The following PLA2R1 variants were observed in gnomAD, a reference collection of about 807,000 sequenced individuals.
PLA2R1 encodes secretory phospholipase A2 receptor.
PLA2R1 carries 158 observed loss-of-function variants against 195.9 expected under a neutral mutation model. The ratio of observed to expected loss-of-function variants is 0.81; its 90% CI spans 0.71 to 0.92. The LOEUF (loss-of-function observed/expected upper bound fraction) is 0.92. PLA2R1 is among the 40% of genes least tolerant of loss of function. The pLI, the probability that PLA2R1 is intolerant of heterozygous loss-of-function variation, is 0.00. For synonymous variants in PLA2R1, 586 were observed against 598.2 expected (o/e 0.98, Z 0.30); for missense variants, 1,626 against 1,764.6 (o/e 0.92, Z 1.41).
intron 11 of PLA2R1, among the ~76,000 whole-genome samples, chr2:159,996,553 A>T (rs777479488): frequency 3.9e-5 from 6 of 152,082 alleles, no homozygotes; most frequent in Non-Finnish European, 7.4e-5. Flanking sequence ...TGGTGTTCTC[A>T]GAGTTTCCTG....
chr2:159,957,831 A>G (rs1287139726), intron 20 of PLA2R1, among the ~76,000 whole-genome samples: 1 of 152,232 alleles, frequency 6.6e-6, no homozygotes, highest in Non-Finnish European at 1.5e-5. Context: ...ATAATGGATC[A>G]GGCAAAATTC....
At chr2:159,946,642 G>C in intron 27 of PLA2R1, 159 bp downstream of exon 27, 8 of 1,386,508 alleles carry the variant, frequency 5.8e-6, no homozygotes, top group Non-Finnish European at 7.5e-6. Flanking sequence ...TAAAGAAAAG[G>C]GTTGCAATGT....
chr2:160,041,657 A>G (rs1558992435), intron 3 of PLA2R1, among the ~76,000 whole-genome samples: 1 of 152,208 alleles, frequency 6.6e-6, no homozygotes, highest in Non-Finnish European at 1.5e-5. Context: ...CTCATAAGAG[A>G]TAGTGGATTG....
Position 159,955,221 on chromosome 2 carries a change from C to T in PLA2R1, c.3279G>A (p.Gly1093=), listed in dbSNP as rs1472344018. 2.5e-6 allele frequency: 4 copies of T among 1,608,914 alleles called. No individual in the cohort carries two copies. Among genetic ancestry groups the T allele is most frequent in the Non-Finnish European group, 3.4e-6 (4 of 1,177,774 alleles). ...TACCTTGCATTTTTTCACAAACAAA[C>T]CCATAGCCTTCCTTTCCACAGTCTT... ...YFEDCGKEGY[G]FVCEKMQDTS... Residue 1093 remains glycine (G), a synonymous_variant, in exon 23 of 30, where the codon GGG becomes GGA. Coordinates refer to ENST00000283243, the MANE Select transcript of PLA2R1 (RefSeq NM_007366.5).
chr2:160,027,260 G>A (rs1177925792), intron 6 of PLA2R1, among the ~76,000 whole-genome samples: 1 of 152,110 alleles, frequency 6.6e-6, no homozygotes, highest in African/African-American at 2.4e-5. Flanking sequence ...AGGAAAGAAG[G>A]GTGGCAGGAG....
In PLA2R1 at chr2:159,935,771, TTAAAAA is replaced by T. The variant is rs1686789352; in HGVS notation, c.*6001_*6006del. ...CAATTTGAATTCTATCATAATCTAT[TTAAAAA>T]TAGAAATAACCTCTTCAGCAGTCAG... On this transcript the variant is annotated 3_prime_UTR_variant, in exon 30 of 30. Coordinates refer to ENST00000283243, the MANE Select transcript of PLA2R1 (RefSeq NM_007366.5). 1 of 152,074 alleles carries T rather than the reference TTAAAAA, an allele frequency of 6.6e-6. No homozygotes were observed. The highest frequency in any genetic ancestry group is 6.6e-5 in the Admixed American group (1 of 15,260). The allele number at this position is 152,074 out of a possible 1,614,324, so 9.4% of individuals were successfully genotyped here.
intron 10 of PLA2R1, among the ~76,000 whole-genome samples, chr2:160,006,770 G>A: frequency 6.6e-6 from 1 of 152,206 alleles, no homozygotes; most frequent in East Asian, 1.9e-4. Context: ...CCATTACCCA[G>A]GAAACCTAAG....
rs1205003993 is a variant in PLA2R1 at position 160,048,838 on chromosome 2, ATTTTTT to A, written c.110-3687_110-3682del. On this transcript the variant is annotated intron_variant, in intron 1 of 29. Transcript: ENST00000283243. ...AAAGGATTCATTTATTAGAAGAAAC[ATTTTTT>A]TTTTTTTTTTTTTTGAGACAGAGTC... Among the ~76,000 whole-genome samples, 3 of 127,838 alleles carry A rather than the reference ATTTTTT, an allele frequency of 2.3e-5. No homozygotes were observed. The Admixed American group carries it at 2.4e-4, about 10-fold the overall frequency. The allele number at this position is 127,838 out of a possible 152,430, so 83.9% of individuals were successfully genotyped here. A position where few individuals can be genotyped will look rare whatever the true frequency, so the allele number is the denominator to read the frequency against.
intron 1 of PLA2R1, among the ~76,000 whole-genome samples, chr2:160,052,809 T>C (rs781347196): frequency 3.9e-5 from 6 of 152,166 alleles, no homozygotes; most frequent in Non-Finnish European, 7.3e-5. Context: ...GGAAATGATA[T>C]GGCATTACTG....
chr2:159,980,047 A>G (rs1368314452), intron 13 of PLA2R1, 133 bp from the exon 14 acceptor site: 1 of 416,214 alleles, frequency 2.4e-6, no homozygotes, highest in Non-Finnish European at 4.3e-6. Context: ...TGTACCCTAA[A>G]ACTTAAAGTA....
intron 11 of PLA2R1, among the ~76,000 whole-genome samples, chr2:159,998,367 G>T (rs1558888815): frequency 6.6e-6 from 1 of 152,112 alleles, no homozygotes; most frequent in African/African-American, 2.4e-5. Flanking sequence ...TTAAAGAAGA[G>T]AAAACTGAGA....
At chr2:159,961,390 A>T (rs1444094771) in intron 20 of PLA2R1, among the ~76,000 whole-genome samples, 3 of 152,168 alleles carry the variant, frequency 2.0e-5, no homozygotes, top group Non-Finnish European at 1.5e-5. Flanking sequence ...TAACTGAGGG[A>T]GCTTTAAAAA....
chr2:160,038,635 C>T (rs936928461), intron 3 of PLA2R1, among the ~76,000 whole-genome samples: 14 of 152,208 alleles, frequency 9.2e-5, no homozygotes, highest in Admixed American at 9.2e-4. Context: ...TCTGATGGAT[C>T]TTTTTGCCAT....
intron 1 of PLA2R1, among the ~76,000 whole-genome samples, chr2:160,058,973 G>A (rs13000917): frequency 0.11 from 16,615 of 152,136 alleles, 1,278 homozygotes; most frequent in Admixed American, 0.27. Flanking sequence ...ATCAGTGGGA[G>A]CCCTGAGTCT....
Position 160,005,784 on chromosome 2 carries a change from C to T in PLA2R1, c.1702G>A (p.Val568Met), listed in dbSNP as rs1691941983. ...QAFITSLISS[V>M]VKMKDSYFWI... Reference sequence around the variant, plus strand: ...AAATAACTGTCCTTCATTTTTACCACACTACTGATCAAACTGGTAATAAAA... The same window carrying T: ...AAATAACTGTCCTTCATTTTTACCATACTACTGATCAAACTGGTAATAAAA... The change falls in exon 11 of 30, where the codon GTG becomes ATG. Residue 568 changes from valine (V) to methionine (M), a missense_variant. Val to Met is a conservative substitution (Grantham distance 21, BLOSUM62 1). Transcript: ENST00000283243. 3 of 1,612,730 alleles carry T rather than the reference C, an allele frequency of 1.9e-6. No individual in the cohort carries two copies. Among genetic ancestry groups the T allele is most frequent in the South Asian group, 2.2e-5 (2 of 91,038 alleles).
intron 28 of PLA2R1, among the ~76,000 whole-genome samples, chr2:159,942,602 G>T (rs1687148973): frequency 6.6e-6 from 1 of 152,198 alleles, no homozygotes; most frequent in Admixed American, 6.5e-5. Flanking sequence ...GTCCAGCAAT[G>T]ATAATCTGCC....
chr2:159,978,581 AAAAG>A (rs1689734012), intron 14 of PLA2R1, among the ~76,000 whole-genome samples: 1 of 152,190 alleles, frequency 6.6e-6, no homozygotes, highest in Non-Finnish European at 1.5e-5. Flanking sequence ...ATACTAAAAC[AAAAG>A]AAAGTGTTCT....
At chr2:159,956,767 C>G in intron 20 of PLA2R1, 140 bp from the exon 21 acceptor site, 1 of 606,676 alleles carries the variant, frequency 1.6e-6, no homozygotes, top group South Asian at 2.0e-5. Context: ...TCTTTCACCT[C>G]CTCCAAAGGT....
At chr2:160,048,858 T>TTGG (rs59840020) in intron 1 of PLA2R1, among the ~76,000 whole-genome samples, 1 of 149,856 alleles carries the variant, frequency 6.7e-6, no homozygotes, top group African/African-American at 2.5e-5. Flanking sequence ...TTTTTTTTTT[T>TTGG]GAGACAGAGT....
Sources: gnomAD v4.1 joint callset for allele counts (sites outside exome capture counted in the v4.1 genomes callset) on GRCh38, gnomAD v4.1.1 for gene constraint, MANE v1.5 for transcripts, NCBI Gene and HGNC (gene_info 2026-07-23, HGNC 2026-07-21) for gene names.